ARHGAP44: variants seen among roughly 807,000 people sequenced by gnomAD.
The protein encoded by ARHGAP44 is Rho GTPase activating protein 44.
ARHGAP44 carries 43 observed loss-of-function variants against 106.8 expected under a neutral mutation model. The ratio of observed to expected loss-of-function variants is 0.40; its 90% CI spans 0.32 to 0.52. The LOEUF (loss-of-function observed/expected upper bound fraction) is 0.52, where lower values mean the gene tolerates loss of function less well. Ranked by LOEUF, ARHGAP44 falls within the 20% of genes least tolerant of loss-of-function variation. The pLI, the probability that ARHGAP44 is intolerant of heterozygous loss-of-function variation, is 0.48. For synonymous variants in ARHGAP44, 439 were observed against 410.3 expected, an observed-to-expected ratio of 1.07 and a Z score of -0.85; for missense variants, 866 against 1,050.5, an observed-to-expected ratio of 0.82 and a Z score of 2.43.
At chr17:12,932,338 A>G (rs1008222220) in intron 7 of ARHGAP44, among the ~76,000 whole-genome samples, 2 of 152,204 alleles carry the variant, frequency 1.3e-5, no homozygotes, top group Non-Finnish European at 2.9e-5. Context: ...AATTTGGTGA[A>G]TTGCCTATTT....
chr17:12,813,084 TAGA>T (rs1239122147), intron 1 of ARHGAP44, among the ~76,000 whole-genome samples: 2 of 152,210 alleles, frequency 1.3e-5, no homozygotes, highest in Non-Finnish European at 2.9e-5. Context: ...CCAGTCTCCT[TAGA>T]GCTGCTTTGC....
intron 16 of ARHGAP44, among the ~76,000 whole-genome samples, chr17:12,962,289 G>C (rs1037915485): frequency 1.3e-5 from 2 of 152,092 alleles, no homozygotes; most frequent in East Asian, 3.9e-4. Flanking sequence ...TGGTCCTGAT[G>C]CCTTTCTGAT....
chr17:12,858,869 G>A (rs2035984518), intron 1 of ARHGAP44, among the ~76,000 whole-genome samples: 1 of 152,168 alleles, frequency 6.6e-6, no homozygotes, highest in Non-Finnish European at 1.5e-5. Flanking sequence ...GAAGGTGAAA[G>A]GCACGTCTTA....
intron 15 of ARHGAP44, 89 bp downstream of exon 15, chr17:12,956,835 C>T (rs1598115356): frequency 2.7e-6 from 3 of 1,094,638 alleles, no homozygotes; most frequent in Non-Finnish European, 4.0e-6. Flanking sequence ...AGTACCACTG[C>T]CCACAGGCTT....
intron 1 of ARHGAP44, among the ~76,000 whole-genome samples, chr17:12,890,557 C>T (rs1398936304): frequency 1.3e-5 from 2 of 152,174 alleles, no homozygotes; most frequent in Non-Finnish European, 2.9e-5. Flanking sequence ...AAACCATTCT[C>T]CCCTCCTAGA....
intron 1 of ARHGAP44, among the ~76,000 whole-genome samples, chr17:12,840,020 G>GT (rs1463277193): frequency 5.9e-5 from 9 of 151,932 alleles, no homozygotes; most frequent in African/African-American, 2.2e-4. Flanking sequence ...AACCTTTATT[G>GT]TTTTTTTAGT....
In ARHGAP44 at chr17:12,854,730, G is replaced by A. The variant is rs192834741; in HGVS notation, c.54-40210G>A. ...TCCCAGCACTTTGGAAGGCTGAGGCGGGCGGATCACCTTAGGTTGGGAGCT... is the reference window on the plus strand; with the variant it reads ...TCCCAGCACTTTGGAAGGCTGAGGCAGGCGGATCACCTTAGGTTGGGAGCT... On this transcript the variant is annotated intron_variant, in intron 1 of 20. Transcript: ENST00000379672. Among the ~76,000 whole-genome samples, 573 of 152,146 alleles carry A rather than the reference G, an allele frequency of 3.8e-3. 4 individuals are homozygous for A. The highest frequency in any genetic ancestry group is 0.013 in the African/African-American group (554 of 41,500).
intron 19 of ARHGAP44, chr17:12,981,100 T>G (rs2039818613): frequency 6.6e-6 from 1 of 152,218 alleles, no homozygotes; most frequent in African/African-American, 2.4e-5. Flanking sequence ...TCATTCCTTT[T>G]GCATTCTACA....
chr17:12,798,451 A>G (rs1200949563), intron 1 of ARHGAP44, among the ~76,000 whole-genome samples: 1 of 152,130 alleles, frequency 6.6e-6, no homozygotes, highest in Non-Finnish European at 1.5e-5. Flanking sequence ...ACATCACTCA[A>G]TAATTTATTC....
chr17:12,800,653 G>A (rs2034065020), intron 1 of ARHGAP44, among the ~76,000 whole-genome samples: 1 of 152,216 alleles, frequency 6.6e-6, no homozygotes, highest in African/African-American at 2.4e-5. Flanking sequence ...TGTGTCATCT[G>A]TTGTCAGGAA....
intron 6 of ARHGAP44, among the ~76,000 whole-genome samples, chr17:12,925,889 AATGACTATCTGTACAAAATTTTCCCAAC>A (rs1281699896): frequency 2.0e-4 from 30 of 152,180 alleles, no homozygotes; most frequent in Non-Finnish European, 3.7e-4. Flanking sequence ...CTTTTCCCAA[AATGACTATCTGTACAAAATTTTCCCAAC>A]ATGACTATCT....
chr17:12,826,024 T>C (rs926635769), intron 1 of ARHGAP44, among the ~76,000 whole-genome samples: 2 of 152,204 alleles, frequency 1.3e-5, no homozygotes, highest in South Asian at 2.1e-4. Context: ...ATAAACAGTT[T>C]TGTGATTTAA....
chr17:12,810,469 C>T (rs905035679), intron 1 of ARHGAP44, among the ~76,000 whole-genome samples: 6 of 152,110 alleles, frequency 3.9e-5, no homozygotes, highest in South Asian at 2.1e-4. Context: ...CATAATGGGG[C>T]GATAGAAAGC....
At chr17:12,930,416 T>C (rs1046797132) in intron 7 of ARHGAP44, among the ~76,000 whole-genome samples, 3 of 152,072 alleles carry the variant, frequency 2.0e-5, no homozygotes, top group African/African-American at 7.2e-5. Flanking sequence ...TTTGTATTTT[T>C]AGTAGAGACG....
intron 1 of ARHGAP44, among the ~76,000 whole-genome samples, chr17:12,794,208 G>A (rs1467316652): frequency 6.6e-6 from 1 of 152,120 alleles, no homozygotes; most frequent in African/African-American, 2.4e-5. Flanking sequence ...GTGGAGCAAA[G>A]CCCTGAGCTA....
Position 12,792,339 on chromosome 17 carries a change from T to C in ARHGAP44, c.53+2448T>C, listed in dbSNP as rs137905338. Among the ~76,000 whole-genome samples, 785 of 152,334 alleles carry C rather than the reference T, an allele frequency of 5.2e-3. 3 individuals are homozygous for C. Among genetic ancestry groups the C allele is most frequent in the Non-Finnish European group, 8.4e-3 (569 of 68,028 alleles). On this transcript the variant is annotated intron_variant, in intron 1 of 20. Transcript: ENST00000379672. ...TGATTGAAACGCTTTTATTTTTTATTTTCTTGTCTGTCTGCTTCCAGCAGA... is the reference window on the plus strand; with the variant it reads ...TGATTGAAACGCTTTTATTTTTTATCTTCTTGTCTGTCTGCTTCCAGCAGA...
chr17:12,936,805 C>A (rs1334900208), intron 7 of ARHGAP44, among the ~76,000 whole-genome samples: 1 of 152,214 alleles, frequency 6.6e-6, no homozygotes, highest in East Asian at 1.9e-4. Context: ...GTATTCCCAC[C>A]AGCAATATAT....
At position 12,896,506 on chromosome 17, in the gene ARHGAP44, C is replaced by G. The variant is rs1337602328; in HGVS notation, c.193C>G (p.Arg65Gly). 1 of 1,598,658 alleles carries G rather than the reference C, an allele frequency of 6.3e-7. No individual in the cohort carries two copies. The highest frequency in any genetic ancestry group is 8.5e-7 in the Non-Finnish European group (1 of 1,173,296). Residue 65 changes from arginine to glycine, a missense_variant, in exon 3 of 21, where the codon CGC (arginine) becomes GGC (glycine). By Grantham distance (125) the Arg-to-Gly change is moderately radical (BLOSUM62 -2). Coordinates refer to ENST00000379672, the MANE Select transcript of ARHGAP44 (RefSeq NM_014859.6). Reference protein sequence around the residue: ...QGQQGAEADKRSKKLPLTTLA... With the variant: ...QGQQGAEADKGSKKLPLTTLA... ...CCAGCAAGGGGCAGAGGCTGACAAG[C>G]GCTCCGTAAGTGCCCTCCCAGCCCT...
intron 16 of ARHGAP44, among the ~76,000 whole-genome samples, chr17:12,964,503 G>A (rs1406463968): frequency 6.6e-6 from 1 of 152,182 alleles, no homozygotes; most frequent in African/African-American, 2.4e-5. Context: ...GCGACAGGCT[G>A]GGCGCAGTGG....
Sources: allele counts gnomAD v4.1 joint callset (sites outside exome capture counted in the v4.1 genomes callset), GRCh38; gene constraint gnomAD v4.1.1; transcripts MANE v1.5; gene names NCBI Gene and HGNC (gene_info 2026-07-23, HGNC 2026-07-21).